GET4: variants seen among roughly 807,000 people sequenced by gnomAD.
GET4 encodes Golgi to ER traffic protein 4 homolog.
GET4 carries 20 observed loss-of-function variants against 40.0 expected under a neutral mutation model. That is an observed-to-expected ratio of 0.50 (90% CI 0.35 to 0.73). The LOEUF is 0.73. GET4 is among the 30% of genes least tolerant of loss of function. The probability of loss-of-function intolerance (pLI) is 0.01; values close to 1 mark genes in which losing one functional copy is unlikely to be tolerated. For missense variants in GET4, 557 were observed against 454.0 expected (o/e 1.23, Z -2.06); for synonymous variants, 280 against 194.6 (o/e 1.44, Z -3.65).
In GET4 at chr7:891,015, C is replaced by T. The variant is rs200742822; in HGVS notation, c.554C>T (p.Ser185Phe). The T allele has an allele frequency of 2.5e-5, 41 of 1,611,316 alleles. No homozygotes were observed. Among genetic ancestry groups the T allele is most frequent in the Non-Finnish European group, 5.9e-6 (7 of 1,177,952 alleles). The change falls in exon 5 of 9, where the codon TCC becomes TTC. Residue 185 changes from serine (S) to phenylalanine (F), a missense_variant. Transcript: ENST00000265857. ...AACATGCTGGTGGAGTATTCCACGT[C>T]CCGCGGCTTCCGCAGCGAGGTGGAC... is the stretch of plus-strand genomic sequence containing the variant. ...CANMLVEYST[S>F]RGFRSEVDMF...
At chr7:878,101 C>G (rs953981521) in intron 1 of GET4, 11 of 329,160 alleles carry the variant, frequency 3.3e-5, no homozygotes, top group African/African-American at 2.2e-4. Flanking sequence ...GCCTGCCGAA[C>G]CGAGTCAGCC....
chr7:877,584 T>A (rs1267895298), intron 1 of GET4, among the ~76,000 whole-genome samples: 1 of 124,808 alleles, frequency 8.0e-6, no homozygotes, highest in African/African-American at 3.2e-5. Context: ...GGCTTCCCTC[T>A]CCTAGCCTCC....
intron 4 of GET4, 107 bp from the exon 5 acceptor site, chr7:890,821 C>A (rs1844303224): frequency 2.2e-6 from 2 of 904,532 alleles, no homozygotes; most frequent in Non-Finnish European, 3.6e-6. Flanking sequence ...GGGCTCTCCT[C>A]CAGGGCGGGC....
At chr7:879,003 G>T (rs1844030051) in intron 1 of GET4, among the ~76,000 whole-genome samples, 1 of 152,168 alleles carries the variant, frequency 6.6e-6, no homozygotes, top group Non-Finnish European at 1.5e-5. Flanking sequence ...GTCCCTCAGG[G>T]ACCCATCACT....
In GET4 at chr7:895,469, G is replaced by A. The variant is rs762630690; in HGVS notation, c.*47G>A. 2 of 1,022,224 alleles carry A rather than the reference G, an allele frequency of 2.0e-6. No homozygotes were observed. Among genetic ancestry groups the A allele is most frequent in the Non-Finnish European group, 3.0e-6 (2 of 656,494 alleles). The allele number at this position is 1,022,224 out of a possible 1,614,324, so 63.3% of individuals were successfully genotyped here. The stretch of plus-strand genomic sequence containing the variant: ...CACCACGGTCGACGACGGCTGGAGG[G>A]ACGTTTCAGAGGCGAGTCCTGGGTG... On this transcript the variant is annotated 3_prime_UTR_variant, in exon 9 of 9. Coordinates refer to ENST00000265857, the MANE Select transcript of GET4 (RefSeq NM_015949.3).
At position 896,254 on chromosome 7, in the gene GET4, C is replaced by T. The variant is rs1844491687; in HGVS notation, c.*832C>T. On this transcript the variant is annotated 3_prime_UTR_variant, in exon 9 of 9. Transcript: ENST00000265857. ...AGCTCCGTTCTGTCAGATGCTACTC[C>T]AAATGTTACCAGAACGATGACAAAA... 1 of 152,196 alleles carries T rather than the reference C, an allele frequency of 6.6e-6. No homozygotes were observed. Among genetic ancestry groups the T allele is most frequent in the Admixed American group, 6.5e-5 (1 of 15,282 alleles). 9.4% of individuals were successfully genotyped at this position (152,196 alleles called of 1,614,324 possible).
At chr7:888,820 G>T (rs1401387544) in intron 4 of GET4, among the ~76,000 whole-genome samples, 1 of 152,230 alleles carries the variant, frequency 6.6e-6, no homozygotes, top group Non-Finnish European at 1.5e-5. Context: ...CCTGCATAGC[G>T]AACTGCCACT....
chr7:884,875 G>A (rs1206563152), intron 1 of GET4: 5 of 153,442 alleles, frequency 3.3e-5, no homozygotes, highest in Non-Finnish European at 7.3e-5. Flanking sequence ...TTGACTACCC[G>A]GACTCAAGCA....
intron 6 of GET4, among the ~76,000 whole-genome samples, chr7:893,398 G>C (rs1426576441): frequency 7.2e-6 from 1 of 139,812 alleles, no homozygotes; most frequent in African/African-American, 2.7e-5. Flanking sequence ...AGTGTTGGGC[G>C]TGGGCGCGGT....
At chr7:879,215 C>T (rs1844034697) in intron 1 of GET4, among the ~76,000 whole-genome samples, 1 of 152,238 alleles carries the variant, frequency 6.6e-6, no homozygotes, top group Admixed American at 6.5e-5. Flanking sequence ...AATTAAACAC[C>T]GTCTGTCACG....
Position 884,166 on chromosome 7 carries a change from A to G in GET4, c.156-1890A>G, listed in dbSNP as rs767861440. ...CATCCAGAACGCTGTAGTATCGGCA[A>G]AGCAGAAGCTGGTGTGGTGCTTGCT... On this transcript the variant is annotated intron_variant, in intron 1 of 8. Transcript: ENST00000265857. 8 of 1,293,098 alleles carry G rather than the reference A, an allele frequency of 6.2e-6. 1 individual carries two copies. In the South Asian group the frequency reaches 6.2e-5, roughly 10 times the overall value. The allele number at this position is 1,293,098 out of a possible 1,614,324, so 80.1% of individuals were successfully genotyped here. A position where few individuals can be genotyped will look rare whatever the true frequency, so the allele number is the denominator to read the frequency against.
rs759275244 is a variant in GET4 at position 893,936 on chromosome 7, C to T, written c.860C>T (p.Pro287Leu). ...ATAGGACAGCTGTTCTTCGGCGTCCCGCCCAAGCAGACGTCTTCCTACGGG... is the reference window on the plus strand; with the variant it reads ...ATAGGACAGCTGTTCTTCGGCGTCCTGCCCAAGCAGACGTCTTCCTACGGG... The part of the protein sequence containing the change: ...DRIGQLFFGV[P>L]PKQTSSYGGL... The change falls in exon 8 of 9, where the codon CCG becomes CTG. Residue 287 changes from proline to leucine, a missense_variant. By Grantham distance (98) the Pro-to-Leu change is moderately conservative. Transcript: ENST00000265857. 2.1e-5 allele frequency: 34 copies of T among 1,607,548 alleles called. No homozygotes were observed. The highest frequency in any genetic ancestry group is 2.2e-5 in the East Asian group (1 of 44,750).
rs369634270 is a variant in GET4 at position 886,661 on chromosome 7, G to A, written c.316+11G>A. On this transcript the variant is annotated intron_variant, in intron 3 of 8. Transcript: ENST00000265857. ...CTGACGAGCTGCTGGGTGAGCATCC[G>A]GCCCTTCACCCCGGGACCCTGTGAC... 86 of 1,593,004 alleles carry A rather than the reference G, an allele frequency of 5.4e-5. No homozygotes were observed. The highest frequency in any genetic ancestry group is 4.0e-4 in the Middle Eastern group (2 of 5,060).
At chr7:892,839 G>C (rs1444184082) in intron 6 of GET4, among the ~76,000 whole-genome samples, 1 of 151,038 alleles carries the variant, frequency 6.6e-6, no homozygotes, top group African/African-American at 2.4e-5. Flanking sequence ...GGTGTTGCGT[G>C]TCTGGTGTGG....
At chr7:878,137 C>CCTGCA (rs1844005967) in intron 1 of GET4, 2 of 393,526 alleles carry the variant, frequency 5.1e-6, no homozygotes, top group African/African-American at 2.1e-5. Flanking sequence ...CTCGGTGACA[C>CCTGCA]CTGCACGGCC....
At chr7:878,091 G>T (rs911727691) in intron 1 of GET4, 2 of 328,144 alleles carry the variant, frequency 6.1e-6, no homozygotes, top group Admixed American at 7.4e-5. Context: ...ACGCCGCCCG[G>T]CCTGCCGAAC....
At chr7:894,625 CCTGACTCTT>C (rs938719193) in intron 8 of GET4, among the ~76,000 whole-genome samples, 5 of 152,158 alleles carry the variant, frequency 3.3e-5, no homozygotes, top group Admixed American at 2.6e-4. Flanking sequence ...TCAGGAGCGC[CCTGACTCTT>C]CTGACTCTCC....
chr7:893,519 A>AGT (rs1401908438), intron 6 of GET4, among the ~76,000 whole-genome samples: 1 of 107,272 alleles, frequency 9.3e-6, no homozygotes, highest in African/African-American at 3.6e-5. Context: ...GTTGCAGGTG[A>AGT]GTGTTGGGTG....
At position 890,910 on chromosome 7, in the gene GET4, TC is replaced by T. The variant is rs1234386326; in HGVS notation, c.467-17del. 11 of 1,574,100 alleles carry T rather than the reference TC, an allele frequency of 7.0e-6. No homozygotes were observed. The highest frequency in any genetic ancestry group is 3.3e-5 in the Admixed American group (2 of 59,920). On this transcript the variant is annotated splice_polypyrimidine_tract_variant and intron_variant, in intron 4 of 8. Coordinates refer to ENST00000265857, the MANE Select transcript of GET4 (RefSeq NM_015949.3). ...TATTCGTGAAATGTATTTACATTTT[TC>T]TGTCTTTCCTTTGCAGAACAAAACT...
Sources: gnomAD v4.1 joint callset for allele counts (sites outside exome capture counted in the v4.1 genomes callset) on GRCh38, gnomAD v4.1.1 for gene constraint, MANE v1.5 for transcripts, NCBI Gene and HGNC (gene_info 2026-07-23, HGNC 2026-07-21) for gene names.